Variants in TENM1 observed in about 807,000 individuals in gnomAD.
The protein encoded by TENM1 is teneurin transmembrane protein 1, also known as teneurin-1.
TENM1 carries 35 observed loss-of-function variants against 174.8 expected under a neutral mutation model. The observed-to-expected ratio is 0.20, with a 90% CI of 0.15 to 0.27. The LOEUF (loss-of-function observed/expected upper bound fraction) is 0.27, where lower values mean the gene tolerates loss of function less well. TENM1 is among the 10% of genes least tolerant of loss of function. TENM1 has a pLI of 1.00. For missense variants in TENM1, 1,633 were observed against 2,130.1 expected, an observed-to-expected ratio of 0.77 and a Z score of 4.59; for synonymous variants, 781 against 798.7, an observed-to-expected ratio of 0.98 and a Z score of 0.37.
the TENM1 span, among the ~76,000 whole-genome samples, chrX:125,001,610 A>G: frequency 8.0e-4 from 88 of 110,666 alleles, 1 homozygote; most frequent in African/African-American, 2.8e-3. Context: ...GAGATAAAAT[A>G]TGTCCATAAA....
intron 11 of TENM1, among the ~76,000 whole-genome samples, chrX:124,583,074 C>T (rs768737864): frequency 0.013 from 1,446 of 112,191 alleles, 19 homozygotes; most frequent in African/African-American, 0.044. Flanking sequence ...AGGAGGCCTG[C>T]CTGCCTCTGT....
chrX:125,102,406 A>G, the TENM1 span, among the ~76,000 whole-genome samples: 5 of 238 alleles, frequency 0.021, no homozygotes, highest in Non-Finnish European at 0.12. Flanking sequence ...AAACAGAAAA[A>G]AACCCAACCA....
intron 15 of TENM1, among the ~76,000 whole-genome samples, chrX:124,546,525 A>G: frequency 8.9e-6 from 1 of 112,037 alleles, no homozygotes. Context: ...TCATCATGAA[A>G]TAAAACTTAA....
chrX:124,694,423 C>T (rs73545926), intron 5 of TENM1, among the ~76,000 whole-genome samples: 2,138 of 111,355 alleles, frequency 0.019, 43 homozygotes, highest in African/African-American at 0.067. Flanking sequence ...TATGTGTAAT[C>T]TGAAGTTTGT....
chrX:125,055,273 C>T, the TENM1 span, among the ~76,000 whole-genome samples: 1 of 111,506 alleles, frequency 9.0e-6, no homozygotes, highest in Middle Eastern at 4.2e-3. Context: ...ATTTGGGTAA[C>T]TTGCACCACG....
At chrX:124,416,267 C>T (rs751268403) in intron 25 of TENM1, among the ~76,000 whole-genome samples, 2 of 111,674 alleles carry the variant, frequency 1.8e-5, no homozygotes, top group Admixed American at 9.5e-5. Flanking sequence ...TTCTTCTCCC[C>T]AGCTCTTGGC....
intron 6 of TENM1, among the ~76,000 whole-genome samples, chrX:124,669,709 C>T (rs2051874866): frequency 9.0e-6 from 1 of 111,434 alleles, no homozygotes; most frequent in Non-Finnish European, 1.9e-5. Flanking sequence ...GAGGCATCAA[C>T]CCATAATGAT....
intron 1 of TENM1, among the ~76,000 whole-genome samples, chrX:124,898,650 A>G (rs1292618508): frequency 1.8e-5 from 2 of 111,434 alleles, no homozygotes; most frequent in Admixed American, 1.9e-4. Context: ...TTGTCATTCC[A>G]GATTAATAAA....
chrX:124,747,379 CAT>C (rs771095916), intron 3 of TENM1, among the ~76,000 whole-genome samples: 30 of 99,727 alleles, frequency 3.0e-4, no homozygotes, highest in African/African-American at 1.1e-3. Context: ...AATGAGAACA[CAT>C]GTTAATGAAG....
chrX:124,740,960 A>T (rs745972925), intron 3 of TENM1, among the ~76,000 whole-genome samples: 1 of 111,811 alleles, frequency 8.9e-6, no homozygotes, highest in South Asian at 3.8e-4. Flanking sequence ...ATGCAAATGT[A>T]GATATCCAGA....
chrX:124,644,520 T>G (rs1413918199), intron 10 of TENM1, among the ~76,000 whole-genome samples: 2 of 110,111 alleles, frequency 1.8e-5, no homozygotes, highest in Non-Finnish European at 3.8e-5. Flanking sequence ...TATTTTCCAG[T>G]GCGTCTCTTT....
intron 3 of TENM1, among the ~76,000 whole-genome samples, chrX:124,881,347 T>C (rs371240040): frequency 1.8e-5 from 2 of 111,926 alleles, no homozygotes; most frequent in African/African-American, 6.5e-5. Context: ...TGATGACCTT[T>C]TGCATTTCTA....
chrX:124,610,155 T>C (rs1265952915), intron 11 of TENM1, among the ~76,000 whole-genome samples: 1 of 112,324 alleles, frequency 8.9e-6, no homozygotes, highest in African/African-American at 3.2e-5. Flanking sequence ...TTTTGATAAT[T>C]GGAAAACAGA....
At chrX:124,572,570 G>A (rs1273483508) in intron 11 of TENM1, among the ~76,000 whole-genome samples, 2 of 110,521 alleles carry the variant, frequency 1.8e-5, no homozygotes, top group Non-Finnish European at 3.8e-5. Flanking sequence ...ATGTTGTATT[G>A]GAAATCTTAG....
At chrX:124,637,214 C>G (rs892536784) in intron 11 of TENM1, among the ~76,000 whole-genome samples, 3 of 109,646 alleles carry the variant, frequency 2.7e-5, no homozygotes, top group Admixed American at 9.7e-5. Flanking sequence ...TTCAGCCTCC[C>G]GAGTAGATGG....
intron 4 of TENM1, among the ~76,000 whole-genome samples, chrX:124,724,771 G>A (rs1199639964): frequency 2.7e-5 from 3 of 111,643 alleles, no homozygotes; most frequent in African/African-American, 6.5e-5. Context: ...ACTCCAGCCC[G>A]GGTGGCAGGG....
chrX:124,732,417 C>G (rs756374099), intron 4 of TENM1, among the ~76,000 whole-genome samples: 1 of 111,928 alleles, frequency 8.9e-6, no homozygotes, highest in East Asian at 2.8e-4. Context: ...CTGAGAGTCC[C>G]ATCTAAGGAA....
intron 3 of TENM1, among the ~76,000 whole-genome samples, chrX:124,777,305 CTA>C (rs2054808265): frequency 9.0e-6 from 1 of 111,065 alleles, no homozygotes; most frequent in East Asian, 2.8e-4. Flanking sequence ...CTTAGTAATC[CTA>C]TGTCTGAATT....
the TENM1 span, among the ~76,000 whole-genome samples, chrX:125,155,456 T>C: frequency 9.0e-6 from 1 of 111,350 alleles, no homozygotes; most frequent in African/African-American, 3.3e-5. Context: ...GCCAGTCCCG[T>C]GCCGTGCGCC....
Sources: allele counts gnomAD v4.1 joint callset (sites outside exome capture counted in the v4.1 genomes callset), GRCh38; gene constraint gnomAD v4.1.1; transcripts MANE v1.5; gene names NCBI Gene and HGNC (gene_info 2026-07-23, HGNC 2026-07-21).